Variants in LSAMP observed in about 807,000 individuals in gnomAD.
The protein encoded by LSAMP is limbic system-associated membrane protein.
Under a neutral mutation model 38.6 loss-of-function variants are expected in LSAMP, and 7 were observed. The observed-to-expected ratio is 0.18, with a 90% CI of 0.10 to 0.34. The LOEUF (loss-of-function observed/expected upper bound fraction) is 0.34, where lower values mean the gene tolerates loss of function less well. LSAMP is among the 10% of genes least tolerant of loss of function. The pLI is 1.00. For synonymous variants in LSAMP, 154 were observed against 166.8 expected, an observed-to-expected ratio of 0.92 and a Z score of 0.59; for missense variants, 313 against 420.0, an observed-to-expected ratio of 0.75 and a Z score of 2.23.
At chr3:116,353,843 G>C (rs144069375) in intron 1 of LSAMP, among the ~76,000 whole-genome samples, 1 of 152,126 alleles carries the variant, frequency 6.6e-6, no homozygotes, top group East Asian at 1.9e-4. Flanking sequence ...CCTACTTCAG[G>C]AAATAGTCGT....
chr3:115,891,320 C>T (rs1308573570), intron 3 of LSAMP, among the ~76,000 whole-genome samples: 1 of 151,998 alleles, frequency 6.6e-6, no homozygotes, highest in Non-Finnish European at 1.5e-5. Context: ...TAAACAGAAG[C>T]TTAAAATGGG....
At chr3:116,370,042 A>G (rs1026815088) in intron 1 of LSAMP, 3 of 152,622 alleles carry the variant, frequency 2.0e-5, no homozygotes, top group Non-Finnish European at 2.9e-5. Flanking sequence ...TAGCAAACTA[A>G]TACACTGAGC....
intron 1 of LSAMP, among the ~76,000 whole-genome samples, chr3:116,110,476 C>T (rs922705392): frequency 9.2e-5 from 14 of 152,260 alleles, no homozygotes; most frequent in Middle Eastern, 3.4e-3. Flanking sequence ...AGTCTGTGAC[C>T]GGCGCCGGAG....
At position 116,255,833 on chromosome 3, in the gene LSAMP, C is replaced by T. The variant is rs7619837; in HGVS notation, c.156-169277G>A. 7.2e-3 allele frequency among the ~76,000 whole-genome samples: 1,103 copies of T among 152,234 alleles called. 16 individuals carry two copies. Among genetic ancestry groups the T allele is most frequent in the African/African-American group, 0.026 (1,072 of 41,552 alleles). ...TGTATGCTTCCAGGAAAAACAAAAACGTGTTACTAACCTATGCTAGAGGCA... is the reference window on the plus strand; with the variant it reads ...TGTATGCTTCCAGGAAAAACAAAAATGTGTTACTAACCTATGCTAGAGGCA... On this transcript the variant is annotated intron_variant, in intron 1 of 6. Coordinates refer to ENST00000490035, the MANE Select transcript of LSAMP (RefSeq NM_002338.5).
chr3:115,980,903 TG>T (rs752253587), intron 3 of LSAMP, among the ~76,000 whole-genome samples: 19 of 152,162 alleles, frequency 1.2e-4, no homozygotes, highest in Non-Finnish European at 2.6e-4. Context: ...AACCTCGCTA[TG>T]TTTTTTTAAC....
At chr3:115,940,037 G>C (rs1488046059) in intron 3 of LSAMP, among the ~76,000 whole-genome samples, 1 of 152,066 alleles carries the variant, frequency 6.6e-6, no homozygotes, top group Non-Finnish European at 1.5e-5. Context: ...TGAAGTTGCA[G>C]ACCTTCGCAG....
At chr3:115,968,855 G>T (rs772277553) in intron 3 of LSAMP, among the ~76,000 whole-genome samples, 11 of 152,174 alleles carry the variant, frequency 7.2e-5, no homozygotes, top group Non-Finnish European at 1.2e-4. Flanking sequence ...GGCAAGGCTT[G>T]TTGGAACTCA....
intron 3 of LSAMP, among the ~76,000 whole-genome samples, chr3:115,925,930 G>A (rs1937488095): frequency 6.6e-6 from 1 of 151,986 alleles, no homozygotes; most frequent in Non-Finnish European, 1.5e-5. Context: ...ATTTGGGAGA[G>A]AACTTCAGAT....
intron 1 of LSAMP, among the ~76,000 whole-genome samples, chr3:116,291,306 G>A (rs979635144): frequency 2.0e-5 from 3 of 152,146 alleles, no homozygotes; most frequent in African/African-American, 7.2e-5. Context: ...TCTGCCATAT[G>A]GTTTGGCCAT....
rs150918327 is a variant in LSAMP, at chr3:115,812,763, A to G, written c.920-2349T>C. Among the ~76,000 whole-genome samples the G allele has an allele frequency of 3.9e-5, 6 of 152,312 alleles. No homozygotes were observed. In the East Asian group the frequency reaches 1.2e-3, roughly 29 times the overall value. On this transcript the variant is annotated intron_variant, in intron 6 of 6. Coordinates refer to ENST00000490035, the MANE Select transcript of LSAMP (RefSeq NM_002338.5). Reference sequence around the variant, plus strand: ...AACAAAAGGTTTTCAGAAAGGGTCCAATTCTGCTGATTTCCTCAATCTCAT... The same window carrying G: ...AACAAAAGGTTTTCAGAAAGGGTCCGATTCTGCTGATTTCCTCAATCTCAT...
At chr3:116,354,572 G>A (rs2048193850) in intron 1 of LSAMP, among the ~76,000 whole-genome samples, 1 of 152,152 alleles carries the variant, frequency 6.6e-6, no homozygotes, top group South Asian at 2.1e-4. Flanking sequence ...AAATTTTACA[G>A]CTCACAGAGA....
chr3:116,331,452 AT>A (rs1483239608), intron 1 of LSAMP, among the ~76,000 whole-genome samples: 1 of 152,226 alleles, frequency 6.6e-6, no homozygotes, highest in Non-Finnish European at 1.5e-5. Context: ...AAGACACATT[AT>A]AATCAAACTT....
chr3:116,167,046 C>T (rs1373441600), intron 1 of LSAMP, among the ~76,000 whole-genome samples: 1 of 152,100 alleles, frequency 6.6e-6, no homozygotes, highest in Non-Finnish European at 1.5e-5. Context: ...CCGCCTTGGC[C>T]TCCCAAAGTG....
chr3:116,041,906 T>C (rs561156583), intron 2 of LSAMP, among the ~76,000 whole-genome samples: 45 of 152,248 alleles, frequency 3.0e-4, no homozygotes, highest in Non-Finnish European at 4.7e-4. Flanking sequence ...GGCATTTTTT[T>C]CCTATGGTTA....
At chr3:116,117,014 G>C (rs1193230929) in intron 1 of LSAMP, among the ~76,000 whole-genome samples, 1 of 152,142 alleles carries the variant, frequency 6.6e-6, no homozygotes, top group African/African-American at 2.4e-5. Context: ...GTTAAGTCCT[G>C]TCCAAATTTC....
At chr3:116,342,077 G>A (rs1341566208) in intron 1 of LSAMP, among the ~76,000 whole-genome samples, 1 of 151,978 alleles carries the variant, frequency 6.6e-6, no homozygotes, top group Non-Finnish European at 1.5e-5. Flanking sequence ...GGCAGACTTA[G>A]TGTGAGGTTA....
At chr3:116,335,437 A>G (rs1298432348) in intron 1 of LSAMP, among the ~76,000 whole-genome samples, 1 of 152,070 alleles carries the variant, frequency 6.6e-6, no homozygotes, top group Non-Finnish European at 1.5e-5. Flanking sequence ...ACAAAACTGG[A>G]GGACTCGCCC....
intron 2 of LSAMP, among the ~76,000 whole-genome samples, chr3:116,034,842 G>C (rs762102109): frequency 6.6e-6 from 1 of 152,120 alleles, no homozygotes; most frequent in Non-Finnish European, 1.5e-5. Flanking sequence ...TATGCCCAGA[G>C]AAGCTAAGGT....
intron 3 of LSAMP, among the ~76,000 whole-genome samples, chr3:115,946,032 GA>G (rs1938086799): frequency 1.3e-5 from 2 of 152,128 alleles, no homozygotes; most frequent in African/African-American, 4.8e-5. Flanking sequence ...AACACATTTT[GA>G]TTGAACAAAG....
Sources: allele counts gnomAD v4.1 joint callset (sites outside exome capture counted in the v4.1 genomes callset), GRCh38; gene constraint gnomAD v4.1.1; transcripts MANE v1.5; gene names NCBI Gene and HGNC (gene_info 2026-07-23, HGNC 2026-07-21).